SRSF11: variants seen among roughly 807,000 people sequenced by gnomAD.
SRSF11 encodes serine and arginine rich splicing factor 11.
Under a neutral mutation model 56.0 loss-of-function variants are expected in SRSF11, and 9 were observed. The ratio of observed to expected loss-of-function variants is 0.16; its 90% CI spans 0.10 to 0.28. The LOEUF is 0.28. Ranked by LOEUF, SRSF11 falls within the 10% of genes least tolerant of loss-of-function variation. The probability of loss-of-function intolerance (pLI) is 1.00; values close to 1 mark genes in which losing one functional copy is unlikely to be tolerated. For synonymous variants in SRSF11, 222 were observed against 215.3 expected (o/e 1.03, Z -0.27); for missense variants, 421 against 600.7 (o/e 0.70, Z 3.13).
chr1:70,221,440 G>T lies in SRSF11; in HGVS notation c.-197G>T. 1 of 687,340 alleles carries T rather than the reference G, an allele frequency of 1.5e-6. No individual in the cohort carries two copies. Among genetic ancestry groups the T allele is most frequent in the Admixed American group, 3.0e-5 (1 of 33,768 alleles). The allele number at this position is 687,340 out of a possible 1,614,324, so 42.6% of individuals were successfully genotyped here. A position where few individuals can be genotyped will look rare whatever the true frequency, so the allele number is the denominator to read the frequency against. ...TGTTTTCTCGTGGTCTCGAGCTCGC[G>T]CGCTCTCATCCCCTCCCCCGCGGCG... On this transcript the variant is annotated 5_prime_UTR_variant, in exon 1 of 12. Coordinates refer to ENST00000370949, the MANE Select transcript of SRSF11 (RefSeq NM_001350605.2).
upstream of SRSF11, among the ~76,000 whole-genome samples, chr1:70,218,092 G>T (rs1484708155): frequency 6.6e-6 from 1 of 152,130 alleles, no homozygotes; most frequent in African/African-American, 2.4e-5. Context: ...AGCCTCCCGA[G>T]TAGCTGGCAC....
chr1:70,251,088 A>G lies in SRSF11; in HGVS notation c.*283A>G. ...CAAAAATGAAAAGCTGCATGCATCTACAGCAGGCATGGATTGTTTATGTCG... is the reference window on the plus strand; with the variant it reads ...CAAAAATGAAAAGCTGCATGCATCTGCAGCAGGCATGGATTGTTTATGTCG... On this transcript the variant is annotated 3_prime_UTR_variant, in exon 12 of 12. Coordinates refer to ENST00000370949, the MANE Select transcript of SRSF11 (RefSeq NM_001350605.2). 2.9e-6 allele frequency: 1 copy of G among 345,906 alleles called. No homozygotes were observed. Among genetic ancestry groups the G allele is most frequent in the Non-Finnish European group, 5.3e-6 (1 of 187,868 alleles). 21.4% of individuals were successfully genotyped at this position (345,906 alleles called of 1,614,324 possible).
At chr1:70,233,825 A>G (rs934420908) in intron 3 of SRSF11, among the ~76,000 whole-genome samples, 3 of 152,166 alleles carry the variant, frequency 2.0e-5, no homozygotes, top group Non-Finnish European at 4.4e-5. Flanking sequence ...ATTGGTGTCA[A>G]GCAGGTGGCA....
chr1:70,214,489 C>G (rs1669829339), intron 1 of SRSF11, among the ~76,000 whole-genome samples: 1 of 152,122 alleles, frequency 6.6e-6, no homozygotes, highest in East Asian at 1.9e-4. Context: ...AATCATAAAA[C>G]AAAGTTGAAA....
At position 70,229,796 on chromosome 1, in the gene SRSF11, A is replaced by G. The variant is rs116286239; in HGVS notation, c.337+1241A>G. 6.5e-4 allele frequency: 635 copies of G among 983,970 alleles called. 2 individuals are homozygous for G. The African/African-American group carries it at 9.9e-3, about 15-fold the overall frequency. The allele number at this position is 983,970 out of a possible 1,614,324, so 61.0% of individuals were successfully genotyped here. On this transcript the variant is annotated intron_variant, in intron 2 of 11. Coordinates refer to ENST00000370949, the MANE Select transcript of SRSF11 (RefSeq NM_001350605.2). ...TGCCTCTGGTTTTCTAAAGAAATTA[A>G]CTTATATTTATAAATGGGTTAAGAC...
Position 70,221,502 on chromosome 1 carries a change from C to CATCGGCAGCAGT in SRSF11, c.-133_-122dup. 7.9e-7 allele frequency: 1 copy of CATCGGCAGCAGT among 1,265,312 alleles called. No individual in the cohort carries two copies. Among genetic ancestry groups the CATCGGCAGCAGT allele is most frequent in the Non-Finnish European group, 1.1e-6 (1 of 929,486 alleles). The allele number at this position is 1,265,312 out of a possible 1,614,324, so 78.4% of individuals were successfully genotyped here. On this transcript the variant is annotated 5_prime_UTR_variant, in exon 1 of 12. Transcript: ENST00000370949. ...GGAGAAACGGCGGCGGCGGCGGCGG[C>CATCGGCAGCAGT]ATCGGCAGCAGTAGCAGAGGCTGTA... is the stretch of plus-strand genomic sequence containing the variant.
upstream of SRSF11, among the ~76,000 whole-genome samples, chr1:70,217,072 G>A (rs1315773536): frequency 1.3e-5 from 2 of 151,932 alleles, no homozygotes. Context: ...CACTTTTTCC[G>A]CCATCCCCTG....
chr1:70,230,543 A>G (rs1571746585), intron 2 of SRSF11: 5 of 1,265,364 alleles, frequency 4.0e-6, no homozygotes, highest in East Asian at 1.2e-4. Flanking sequence ...TTTCATTTCT[A>G]CACATTCATG....
At chr1:70,209,887 C>T (rs576745560) in intron 1 of SRSF11, among the ~76,000 whole-genome samples, 7 of 151,044 alleles carry the variant, frequency 4.6e-5, no homozygotes, top group South Asian at 4.2e-4. Flanking sequence ...GCATGAGCCA[C>T]GATGCCTGGC....
At chr1:70,221,341 G>A, upstream of SRSF11, 1 of 399,246 alleles carries the variant, frequency 2.5e-6, no homozygotes, top group African/African-American at 2.1e-5. Context: ...ACGCTGACGC[G>A]CCCTGCGCCG....
intron 1 of SRSF11, among the ~76,000 whole-genome samples, chr1:70,227,277 CTG>C (rs772740630): frequency 6.5e-4 from 99 of 152,192 alleles, no homozygotes; most frequent in Non-Finnish European, 1.3e-3. Flanking sequence ...TTTTTAGAAA[CTG>C]TGAAGCCTCA....
intron 1 of SRSF11, among the ~76,000 whole-genome samples, chr1:70,212,877 GCTGT>G (rs1302317079): frequency 6.6e-6 from 1 of 151,984 alleles, no homozygotes; most frequent in Non-Finnish European, 1.5e-5. Flanking sequence ...ATAGGGAGAT[GCTGT>G]CTGTACAAAA....
At chr1:70,247,166 A>G (rs1676943262) in intron 9 of SRSF11, 1 of 963,364 alleles carries the variant, frequency 1.0e-6, no homozygotes, top group African/African-American at 1.7e-5. Flanking sequence ...TTTTCTCTTT[A>G]TAGTTTAAGT....
chr1:70,242,679 A>G (rs1477363153), intron 7 of SRSF11, among the ~76,000 whole-genome samples: 1 of 152,168 alleles, frequency 6.6e-6, no homozygotes, highest in Non-Finnish European at 1.5e-5. Context: ...TATTAAAAAT[A>G]TGTTACACTA....
Position 70,246,914 on chromosome 1 carries a change from T to G in SRSF11, c.1022+7T>G, listed in dbSNP as rs764144641. 26 of 1,593,774 alleles carry G rather than the reference T, an allele frequency of 1.6e-5. No homozygotes were observed. In the Admixed American group the frequency reaches 3.6e-4, roughly 22 times the overall value. ...GTTCTAGAAGTGCAAGCAGGTAAGG[T>G]GGCATTGTGAATTCTTGGCAATTAT... On this transcript the variant is annotated splice_region_variant and intron_variant, in intron 9 of 11. Transcript: ENST00000370949.
intron 8 of SRSF11, among the ~76,000 whole-genome samples, chr1:70,245,108 A>G (rs1676448318): frequency 1.3e-5 from 2 of 152,316 alleles, no homozygotes; most frequent in Non-Finnish European, 2.9e-5. Context: ...ATTTCCATCT[A>G]AAAATATATT....
chr1:70,215,044 C>T (rs1669888229), intron 1 of SRSF11, among the ~76,000 whole-genome samples: 1 of 151,912 alleles, frequency 6.6e-6, no homozygotes, highest in African/African-American at 2.4e-5. Flanking sequence ...ACTACAGTTG[C>T]ACGCCACCAC....
intron 1 of SRSF11, among the ~76,000 whole-genome samples, chr1:70,222,145 T>C (rs969148971): frequency 8.5e-5 from 13 of 152,206 alleles, no homozygotes; most frequent in Non-Finnish European, 1.9e-4. Context: ...CCGCAGTCTG[T>C]ACGTCGTATA....
intron 1 of SRSF11, among the ~76,000 whole-genome samples, chr1:70,215,298 A>C (rs542645299): frequency 1.3e-5 from 2 of 152,320 alleles, no homozygotes; most frequent in South Asian, 4.1e-4. Context: ...ATAGCCAAAT[A>C]CTTTGAGAGT....
Sources: allele counts gnomAD v4.1 joint callset (sites outside exome capture counted in the v4.1 genomes callset), GRCh38; gene constraint gnomAD v4.1.1; transcripts MANE v1.5; gene names NCBI Gene and HGNC (gene_info 2026-07-23, HGNC 2026-07-21).